The following PPP2R2A variants were observed in gnomAD, a reference collection of about 807,000 sequenced individuals.
PPP2R2A encodes the protein protein phosphatase 2 regulatory subunit Balpha.
Under a neutral mutation model 53.2 loss-of-function variants are expected in PPP2R2A, and 9 were observed. The observed-to-expected ratio is 0.17, with a 90% CI of 0.10 to 0.30. The LOEUF (loss-of-function observed/expected upper bound fraction) is 0.30. Among genes scored for constraint, PPP2R2A ranks in the 10% least tolerant of loss-of-function variants. The pLI, the probability that PPP2R2A is intolerant of heterozygous loss-of-function variation, is 1.00. For synonymous variants in PPP2R2A, 169 were observed against 174.2 expected, an observed-to-expected ratio of 0.97 and a Z score of 0.23; for missense variants, 235 against 534.6, an observed-to-expected ratio of 0.44 and a Z score of 5.53.
chr8:26,331,646 C>T (rs999287521), intron 2 of PPP2R2A, among the ~76,000 whole-genome samples: 3 of 152,186 alleles, frequency 2.0e-5, no homozygotes, highest in African/African-American at 4.8e-5. Flanking sequence ...AGAGCATTTT[C>T]TTCCAGGTAT....
At chr8:26,341,231 A>C (rs17055141) in intron 3 of PPP2R2A, among the ~76,000 whole-genome samples, 9,712 of 152,146 alleles carry the variant, frequency 0.064, 476 homozygotes, top group East Asian at 0.26. Flanking sequence ...CTTGACTATT[A>C]ATTTGGTGTG....
intron 2 of PPP2R2A, among the ~76,000 whole-genome samples, chr8:26,301,110 T>G (rs1801762357): frequency 6.6e-6 from 1 of 152,208 alleles, no homozygotes; most frequent in African/African-American, 2.4e-5. Flanking sequence ...GAAGCTGGGA[T>G]TCTTACCTTA....
intron 2 of PPP2R2A, among the ~76,000 whole-genome samples, chr8:26,294,816 G>C (rs1209455193): frequency 1.3e-5 from 2 of 152,054 alleles, no homozygotes; most frequent in Non-Finnish European, 2.9e-5. Flanking sequence ...TGAATCCTAT[G>C]GCAAGCCAAC....
chr8:26,357,169 A>G (rs1804828524), intron 4 of PPP2R2A, among the ~76,000 whole-genome samples: 1 of 151,952 alleles, frequency 6.6e-6, no homozygotes. Flanking sequence ...CTGAAAAACT[A>G]TTTGGAAAGA....
intron 3 of PPP2R2A, chr8:26,339,796 C>A (rs1420669380): frequency 2.0e-5 from 3 of 152,004 alleles, no homozygotes. Flanking sequence ...CAGGGTTTTA[C>A]AAATACATGT....
Position 26,354,458 on chromosome 8 carries a change from T to G in PPP2R2A, c.181-10T>G. On this transcript the variant is annotated splice_polypyrimidine_tract_variant and intron_variant, in intron 3 of 9. Coordinates refer to ENST00000380737, the MANE Select transcript of PPP2R2A (RefSeq NM_002717.4). The surrounding 1 kb of genome is among the most constrained non-coding windows in gnomAD (Gnocchi z 4.6). Reference sequence around the variant, plus strand: ...CAACAATGGTCCATATATTTTTGTTTTCATTTTAGAACAAAATCCAGTCTC... The same window carrying G: ...CAACAATGGTCCATATATTTTTGTTGTCATTTTAGAACAAAATCCAGTCTC... The G allele has an allele frequency of 2.7e-6, 4 of 1,508,028 alleles. No homozygotes were observed. Among genetic ancestry groups the G allele is most frequent in the African/African-American group, 1.4e-5 (1 of 71,574 alleles). 93.4% of individuals were successfully genotyped at this position (1,508,028 alleles called of 1,614,324 possible).
intron 4 of PPP2R2A, among the ~76,000 whole-genome samples, chr8:26,359,395 G>A (rs1034790394): frequency 2.0e-5 from 3 of 152,150 alleles, no homozygotes; most frequent in Non-Finnish European, 4.4e-5. Context: ...TTTGACACAC[G>A]TACCATGGTT....
intron 2 of PPP2R2A, among the ~76,000 whole-genome samples, chr8:26,329,403 A>G (rs949988365): frequency 2.6e-5 from 4 of 152,018 alleles, no homozygotes; most frequent in African/African-American, 9.7e-5. Flanking sequence ...CTTATTCCTA[A>G]TAACCCTGAA....
chr8:26,291,558 C>G lies in PPP2R2A; in HGVS notation c.-262C>G. 1.1e-5 allele frequency: 6 copies of G among 526,146 alleles called. No homozygotes were observed. The highest frequency in any genetic ancestry group is 2.0e-5 in the Non-Finnish European group (6 of 297,008). The allele number at this position is 526,146 out of a possible 1,614,324, so 32.6% of individuals were successfully genotyped here. A position where few individuals can be genotyped will look rare whatever the true frequency, so the allele number is the denominator to read the frequency against. On this transcript the variant is annotated 5_prime_UTR_variant, in exon 1 of 10. Coordinates refer to ENST00000380737, the MANE Select transcript of PPP2R2A (RefSeq NM_002717.4). The stretch of plus-strand genomic sequence containing the variant: ...TGGAGTCGCCTGCCCCTGCCGCTGC[C>G]GCCGCCGCCGTCGCTGTCGTAGTCG...
chr8:26,370,540 G>T lies in PPP2R2A; in HGVS notation c.*127G>T, dbSNP rs185944282. The T allele has an allele frequency of 1.4e-4, 144 of 1,051,308 alleles. 1 individual carries two copies. The African/African-American group carries it at 2.2e-3, about 16-fold the overall frequency. The allele number at this position is 1,051,308 out of a possible 1,614,324, so 65.1% of individuals were successfully genotyped here. A position where few individuals can be genotyped will look rare whatever the true frequency, so the allele number is the denominator to read the frequency against. On this transcript the variant is annotated 3_prime_UTR_variant, in exon 10 of 10. Coordinates refer to ENST00000380737, the MANE Select transcript of PPP2R2A (RefSeq NM_002717.4). The surrounding 1 kb of genome is among the most constrained non-coding windows in gnomAD (Gnocchi z 6.1). ...TCCAGTGTTTGACAGTGTGCCATTC[G>T]ACAACACATTGTTATAGCTACATGG...
intron 2 of PPP2R2A, among the ~76,000 whole-genome samples, chr8:26,304,204 CT>C (rs5890309): frequency 0.5 from 76,150 of 151,558 alleles, 19,447 homozygotes; most frequent in Non-Finnish European, 0.52. Flanking sequence ...CCTCTTATTA[CT>C]TTTTCCTGAG....
chr8:26,344,611 T>C (rs1804116401), intron 3 of PPP2R2A, among the ~76,000 whole-genome samples: 1 of 152,224 alleles, frequency 6.6e-6, no homozygotes, highest in African/African-American at 2.4e-5. Flanking sequence ...TTTATGCATT[T>C]GCCCAGCCAT....
At chr8:26,324,057 A>T (rs17247110) in intron 2 of PPP2R2A, among the ~76,000 whole-genome samples, 35,228 of 152,192 alleles carry the variant, frequency 0.23, 5,058 homozygotes, top group Non-Finnish European at 0.32. Context: ...TGTCTTACAG[A>T]GTCTACATTA....
At chr8:26,350,885 C>T (rs1459307678) in intron 3 of PPP2R2A, among the ~76,000 whole-genome samples, 1 of 152,106 alleles carries the variant, frequency 6.6e-6, no homozygotes, top group East Asian at 1.9e-4. Context: ...GGGGCAGTGG[C>T]TCACGCCTGT....
At chr8:26,355,830 A>G (rs1184053742) in intron 4 of PPP2R2A, among the ~76,000 whole-genome samples, 3 of 150,790 alleles carry the variant, frequency 2.0e-5, no homozygotes, top group African/African-American at 4.9e-5. Flanking sequence ...AGATCGCGCC[A>G]TTGCACTCCA....
chr8:26,368,471 A>G (rs997263957), intron 9 of PPP2R2A, among the ~76,000 whole-genome samples: 5 of 152,238 alleles, frequency 3.3e-5, no homozygotes, highest in Admixed American at 1.3e-4. Context: ...ATGGGTGGCA[A>G]ATAGAACTGA....
At chr8:26,320,573 G>A (rs758257865) in intron 2 of PPP2R2A, among the ~76,000 whole-genome samples, 50 of 152,182 alleles carry the variant, frequency 3.3e-4, no homozygotes, top group Non-Finnish European at 5.3e-4. Context: ...TGGGCATGCA[G>A]TTGTAGGTAC....
Position 26,291,567 on chromosome 8 carries a change from C to CGTCGCTGTCGTA in PPP2R2A, c.-247_-236dup, listed in dbSNP as rs1332755165. The stretch of plus-strand genomic sequence containing the variant: ...CTGCCCCTGCCGCTGCCGCCGCCGC[C>CGTCGCTGTCGTA]GTCGCTGTCGTAGTCGCCGCCGCCG... On this transcript the variant is annotated 5_prime_UTR_variant, in exon 1 of 10. Coordinates refer to ENST00000380737, the MANE Select transcript of PPP2R2A (RefSeq NM_002717.4). 12 of 538,714 alleles carry CGTCGCTGTCGTA rather than the reference C, an allele frequency of 2.2e-5. No individual in the cohort carries two copies. Among genetic ancestry groups the CGTCGCTGTCGTA allele is most frequent in the Non-Finnish European group, 3.9e-5 (12 of 304,920 alleles). 33.4% of individuals were successfully genotyped at this position (538,714 alleles called of 1,614,324 possible).
At chr8:26,349,856 G>A (rs1804406189) in intron 3 of PPP2R2A, among the ~76,000 whole-genome samples, 1 of 152,046 alleles carries the variant, frequency 6.6e-6, no homozygotes, top group African/African-American at 2.4e-5. Flanking sequence ...CATGTTTTTT[G>A]CTGTACAATC....
Sources: gnomAD v4.1 joint callset for allele counts (sites outside exome capture counted in the v4.1 genomes callset) on GRCh38, gnomAD v4.1.1 for gene constraint, Gnocchi (gnomAD v3.1) non-coding constraint, MANE v1.5 for transcripts, NCBI Gene and HGNC (gene_info 2026-07-23, HGNC 2026-07-21) for gene names.